KIAA0825: variants seen among roughly 807,000 people sequenced by gnomAD.
KIAA0825 encodes KIAA0825.
In KIAA0825, 119 loss-of-function variants were observed where a neutral mutation model predicts 147.6. The ratio of observed to expected loss-of-function variants is 0.81; its 90% CI spans 0.69 to 0.94. KIAA0825 has a LOEUF of 0.94. Among genes scored for constraint, KIAA0825 ranks in the 40% least tolerant of loss-of-function variants. KIAA0825 has a pLI of 0.00. For synonymous variants in KIAA0825, 470 were observed against 518.1 expected (o/e 0.91, Z 1.26); for missense variants, 1,381 against 1,472.7 (o/e 0.94, Z 1.02).
At chr5:94,303,094 A>T (rs2150182025) in intron 20 of KIAA0825, among the ~76,000 whole-genome samples, 1 of 152,126 alleles carries the variant, frequency 6.6e-6, no homozygotes, top group Non-Finnish European at 1.5e-5. Flanking sequence ...AGACAACTAG[A>T]TAACAAAAAA....
chr5:94,516,345 A>T (rs916207714), intron 5 of KIAA0825, among the ~76,000 whole-genome samples: 1 of 152,358 alleles, frequency 6.6e-6, no homozygotes, highest in East Asian at 1.9e-4. Context: ...AGCACAGCAT[A>T]GCATAGCATA....
chr5:94,487,895 G>A (rs777542684), intron 5 of KIAA0825, among the ~76,000 whole-genome samples: 1 of 152,142 alleles, frequency 6.6e-6, no homozygotes, highest in Non-Finnish European at 1.5e-5. Flanking sequence ...TGGAGCTGCA[G>A]TGAGCCAAGA....
At chr5:94,482,608 G>T (rs1762613066) in intron 6 of KIAA0825, among the ~76,000 whole-genome samples, 1 of 151,912 alleles carries the variant, frequency 6.6e-6, no homozygotes, top group Non-Finnish European at 1.5e-5. Context: ...CCTGATTTAA[G>T]AAACCAATGC....
At chr5:94,451,541 G>A (rs891483687) in intron 13 of KIAA0825, among the ~76,000 whole-genome samples, 7 of 152,152 alleles carry the variant, frequency 4.6e-5, no homozygotes, top group Non-Finnish European at 8.8e-5. Context: ...TTTGTGTTAG[G>A]ATAATAATGG....
At chr5:94,352,606 A>C (rs1783800193) in intron 20 of KIAA0825, among the ~76,000 whole-genome samples, 1 of 152,336 alleles carries the variant, frequency 6.6e-6, no homozygotes, top group African/African-American at 2.4e-5. Context: ...TATTCGAAAA[A>C]GACACTTGCA....
intron 3 of KIAA0825, among the ~76,000 whole-genome samples, chr5:94,532,984 T>G (rs1455650739): frequency 6.6e-6 from 1 of 150,620 alleles, no homozygotes; most frequent in Non-Finnish European, 1.5e-5. Flanking sequence ...CTGTGTCTTT[T>G]TTTTTTTTTT....
At chr5:94,399,592 G>A (rs1384042478) in intron 16 of KIAA0825, among the ~76,000 whole-genome samples, 1 of 152,012 alleles carries the variant, frequency 6.6e-6, no homozygotes, top group African/African-American at 2.4e-5. Context: ...ACCAGGGAAG[G>A]ATCTTTTAAG....
intron 17 of KIAA0825, among the ~76,000 whole-genome samples, chr5:94,395,030 T>C (rs933559581): frequency 3.9e-5 from 6 of 152,230 alleles, no homozygotes; most frequent in African/African-American, 1.4e-4. Flanking sequence ...CAATATATTT[T>C]AATAGAGTTT....
chr5:94,408,822 A>G (rs1752407391), intron 15 of KIAA0825, among the ~76,000 whole-genome samples: 1 of 152,224 alleles, frequency 6.6e-6, no homozygotes, highest in African/African-American at 2.4e-5. Context: ...AAACTATTTA[A>G]AAAATCAATT....
At chr5:94,229,654 C>G (rs1317033819) in intron 20 of KIAA0825, among the ~76,000 whole-genome samples, 1 of 151,546 alleles carries the variant, frequency 6.6e-6, no homozygotes, top group African/African-American at 2.4e-5. Context: ...TACATTTTTT[C>G]TTTTTGCCTT....
intron 20 of KIAA0825, among the ~76,000 whole-genome samples, chr5:94,315,797 C>T (rs948800553): frequency 2.6e-5 from 4 of 151,602 alleles, no homozygotes; most frequent in African/African-American, 4.8e-5. Flanking sequence ...AATGTGTAAT[C>T]GCATTACAAA....
At chr5:94,412,590 G>A (rs1291969147) in intron 15 of KIAA0825, among the ~76,000 whole-genome samples, 4 of 151,808 alleles carry the variant, frequency 2.6e-5, no homozygotes, top group African/African-American at 7.3e-5. Flanking sequence ...TAGTAGAGAC[G>A]GGGTTTCACC....
At chr5:94,299,391 T>C (rs1489519538) in intron 20 of KIAA0825, among the ~76,000 whole-genome samples, 1 of 150,958 alleles carries the variant, frequency 6.6e-6, no homozygotes, top group East Asian at 1.9e-4. Flanking sequence ...TAATTTACTT[T>C]TTTTTTTTTT....
At chr5:94,293,103 C>T (rs562169372) in intron 20 of KIAA0825, among the ~76,000 whole-genome samples, 3 of 151,144 alleles carry the variant, frequency 2.0e-5, no homozygotes, top group Non-Finnish European at 4.4e-5. Flanking sequence ...TTACACGTCT[C>T]TATCTCCTTC....
intron 20 of KIAA0825, among the ~76,000 whole-genome samples, chr5:94,171,963 G>A (rs763079602): frequency 3.3e-5 from 5 of 152,058 alleles, no homozygotes; most frequent in Admixed American, 6.6e-5. Context: ...ATGATAATGC[G>A]CCTCAATGTA....
At chr5:94,154,298 G>C (rs1330481338) in intron 20 of KIAA0825, among the ~76,000 whole-genome samples, 174 bp from the exon 21 acceptor site, 4 of 152,192 alleles carry the variant, frequency 2.6e-5, no homozygotes, top group African/African-American at 9.7e-5. Flanking sequence ...CCCCCGCGGA[G>C]TGGGCCAGGA....
At position 94,359,681 on chromosome 5, in the gene KIAA0825, C is replaced by G. The variant is rs182871881; in HGVS notation, c.3710+24687G>C. Among the ~76,000 whole-genome samples the G allele has an allele frequency of 1.9e-4, 29 of 152,346 alleles. No individual in the cohort carries two copies. In the Middle Eastern group the frequency reaches 0.01, roughly 54 times the overall value. ...TGGGCTTGAATTATTGCTCAACTAC[C>G]TATTAGCTCTCTGACTTCAGTAAGT... On this transcript the variant is annotated intron_variant, in intron 20 of 20. Coordinates refer to ENST00000682413, the MANE Select transcript of KIAA0825 (RefSeq NM_001145678.3).
chr5:94,313,332 C>T (rs1224053555), intron 20 of KIAA0825, among the ~76,000 whole-genome samples: 1 of 151,534 alleles, frequency 6.6e-6, no homozygotes, highest in Admixed American at 6.6e-5. Flanking sequence ...TTTTACGGCT[C>T]GATATGAATA....
intron 20 of KIAA0825, among the ~76,000 whole-genome samples, chr5:94,302,342 G>A (rs1028952491): frequency 2.0e-5 from 3 of 151,764 alleles, no homozygotes; most frequent in African/African-American, 7.3e-5. Context: ...ACCCCATCTT[G>A]TAATACTTTG....
Sources: allele counts gnomAD v4.1 joint callset (sites outside exome capture counted in the v4.1 genomes callset), GRCh38; gene constraint gnomAD v4.1.1; transcripts MANE v1.5; gene names NCBI Gene and HGNC (gene_info 2026-07-23, HGNC 2026-07-21).